The following PPP1R9A variants were observed in gnomAD, a reference collection of about 807,000 sequenced individuals.
PPP1R9A encodes protein phosphatase 1 regulatory subunit 9A.
Under a neutral mutation model 141.9 loss-of-function variants are expected in PPP1R9A, and 59 were observed. The ratio of observed to expected loss-of-function variants is 0.42; its 90% confidence interval spans 0.34 to 0.52. The LOEUF is 0.52. PPP1R9A is among the 20% of genes least tolerant of loss of function. PPP1R9A has a pLI of 0.10. For synonymous variants in PPP1R9A, 500 were observed against 569.7 expected, an observed-to-expected ratio of 0.88 and a Z score of 1.74; for missense variants, 1,444 against 1,611.9, an observed-to-expected ratio of 0.90 and a Z score of 1.78.
At chr7:95,044,530 T>A (rs1419188806) in intron 2 of PPP1R9A, among the ~76,000 whole-genome samples, 2 of 147,570 alleles carry the variant, frequency 1.4e-5, no homozygotes, top group African/African-American at 5.0e-5. Context: ...CTGATATTAT[T>A]AACTATTTTT....
intron 2 of PPP1R9A, among the ~76,000 whole-genome samples, chr7:94,987,792 A>G (rs1428473880): frequency 6.6e-6 from 1 of 152,054 alleles, no homozygotes; most frequent in Non-Finnish European, 1.5e-5. Flanking sequence ...TTGTTAGCTT[A>G]TTTGCTAACT....
intron 2 of PPP1R9A, among the ~76,000 whole-genome samples, chr7:94,960,167 CTCTT>C (rs1797467299): frequency 6.8e-6 from 1 of 148,068 alleles, no homozygotes; most frequent in Non-Finnish European, 1.5e-5. Flanking sequence ...TTCTCTCTCT[CTCTT>C]TTTTTTTTTT....
chr7:94,916,044 A>G (rs997420750), intron 2 of PPP1R9A, among the ~76,000 whole-genome samples: 2 of 152,022 alleles, frequency 1.3e-5, no homozygotes, highest in Non-Finnish European at 2.9e-5. Context: ...ATTTCTATTT[A>G]TTTTATTGTT....
In PPP1R9A at chr7:94,991,049, T is replaced by A. The variant is rs1801444160; in HGVS notation, c.1395+79541T>A. ...GTCTCTGCAATATACTGATTTCTTTTCCTTTGGAAAAATGCCCCAGCAATG... is the reference window on the plus strand; with the variant it reads ...GTCTCTGCAATATACTGATTTCTTTACCTTTGGAAAAATGCCCCAGCAATG... On this transcript the variant is annotated intron_variant, in intron 2 of 19. Transcript: ENST00000433360. 1.3e-5 allele frequency among the ~76,000 whole-genome samples: 2 copies of A among 152,170 alleles called. 1 individual carries two copies. Among genetic ancestry groups the A allele is most frequent in the South Asian group, 4.1e-4 (2 of 4,826 alleles).
intron 2 of PPP1R9A, among the ~76,000 whole-genome samples, chr7:95,050,693 T>C (rs960011779): frequency 1.3e-5 from 2 of 152,156 alleles, no homozygotes; most frequent in Admixed American, 6.5e-5. Flanking sequence ...GCCATTGCAC[T>C]CCACCCTGGG....
intron 12 of PPP1R9A, among the ~76,000 whole-genome samples, chr7:95,252,344 A>G (rs2153009505): frequency 6.6e-6 from 1 of 152,160 alleles, no homozygotes; most frequent in East Asian, 1.9e-4. Context: ...ACAACTAAAG[A>G]TAAGCCAAAT....
intron 12 of PPP1R9A, among the ~76,000 whole-genome samples, chr7:95,254,414 G>A (rs1799300193): frequency 6.6e-6 from 1 of 152,184 alleles, no homozygotes; most frequent in African/African-American, 2.4e-5. Flanking sequence ...TAGAGGTTTA[G>A]AAAGGAAAGT....
intron 5 of PPP1R9A, among the ~76,000 whole-genome samples, chr7:95,182,865 T>C (rs1455556386): frequency 6.6e-6 from 1 of 152,210 alleles, no homozygotes; most frequent in Non-Finnish European, 1.5e-5. Flanking sequence ...TGATTTTGCC[T>C]TGATGAGGCA....
chr7:95,076,032 T>C (rs929078176), intron 2 of PPP1R9A, among the ~76,000 whole-genome samples: 5 of 152,082 alleles, frequency 3.3e-5, no homozygotes, highest in Admixed American at 6.6e-5. Context: ...AATGGAAAAA[T>C]ATGTCATCTT....
intron 7 of PPP1R9A, among the ~76,000 whole-genome samples, chr7:95,213,423 C>G (rs571706646): frequency 2.7e-5 from 4 of 148,582 alleles, no homozygotes; most frequent in South Asian, 4.3e-4. Flanking sequence ...CGGGTTCAAG[C>G]GTTTCTCATG....
chr7:94,994,847 G>A (rs914871286), intron 2 of PPP1R9A, among the ~76,000 whole-genome samples: 15 of 150,870 alleles, frequency 9.9e-5, no homozygotes, highest in African/African-American at 2.9e-4. Flanking sequence ...AGTTGACATC[G>A]CGCCACCACA....
intron 2 of PPP1R9A, among the ~76,000 whole-genome samples, chr7:95,041,803 T>C (rs922406358): frequency 6.6e-6 from 1 of 152,192 alleles, no homozygotes; most frequent in East Asian, 1.9e-4. Flanking sequence ...ATTTTACTTA[T>C]TATTATAATT....
chr7:95,191,939 A>T (rs994493129), intron 5 of PPP1R9A, among the ~76,000 whole-genome samples: 1 of 152,122 alleles, frequency 6.6e-6, no homozygotes, highest in Non-Finnish European at 1.5e-5. Flanking sequence ...GATATGAATC[A>T]TAGTTGTGCA....
intron 7 of PPP1R9A, among the ~76,000 whole-genome samples, chr7:95,222,809 A>G (rs968789734): frequency 6.6e-6 from 1 of 152,026 alleles, no homozygotes; most frequent in Non-Finnish European, 1.5e-5. Flanking sequence ...ATTTAATCCA[A>G]TCTAATTTTG....
intron 2 of PPP1R9A, among the ~76,000 whole-genome samples, chr7:94,960,086 T>G (rs1032290968): frequency 6.6e-6 from 1 of 151,742 alleles, no homozygotes; most frequent in African/African-American, 2.4e-5. Context: ...GATTTTCTAT[T>G]TCTTTGGCTG....
chr7:95,260,795 T>G (rs1279375068), intron 12 of PPP1R9A, among the ~76,000 whole-genome samples: 3 of 152,178 alleles, frequency 2.0e-5, no homozygotes, highest in African/African-American at 7.2e-5. Flanking sequence ...GTTTTGGCTT[T>G]TGAATTTTAC....
chr7:95,173,339 G>T (rs1156945668), intron 5 of PPP1R9A, among the ~76,000 whole-genome samples: 1 of 151,886 alleles, frequency 6.6e-6, no homozygotes, highest in African/African-American at 2.4e-5. Context: ...AATGTTCATT[G>T]TTAAGGTGAT....
chr7:94,932,330 T>TAAA (rs1429224319), intron 2 of PPP1R9A, among the ~76,000 whole-genome samples: 1 of 152,222 alleles, frequency 6.6e-6, no homozygotes, highest in Non-Finnish European at 1.5e-5. Flanking sequence ...TTGAATTCTC[T>TAAA]AAAAAATAAG....
At chr7:95,035,834 C>G (rs1468639660) in intron 2 of PPP1R9A, 2 of 152,118 alleles carry the variant, frequency 1.3e-5, no homozygotes, top group African/African-American at 4.8e-5. Context: ...GTACGATTTT[C>G]TTCTTCTTAT....
Sources: gnomAD v4.1 joint callset for allele counts (sites outside exome capture counted in the v4.1 genomes callset) on GRCh38, gnomAD v4.1.1 for gene constraint, MANE v1.5 for transcripts, NCBI Gene and HGNC (gene_info 2026-07-23, HGNC 2026-07-21) for gene names.